The following PRICKLE1 variants were observed in gnomAD, a reference collection of about 807,000 sequenced individuals.
PRICKLE1 encodes prickle-like protein 1.
PRICKLE1 carries 14 observed loss-of-function variants against 70.2 expected under a neutral mutation model. That is an observed-to-expected ratio of 0.20 (90% CI 0.13 to 0.31). The LOEUF (loss-of-function observed/expected upper bound fraction) is 0.31. PRICKLE1 is among the 10% of genes least tolerant of loss of function. The pLI, the probability that PRICKLE1 is intolerant of heterozygous loss-of-function variation, is 1.00. For missense variants in PRICKLE1, 821 were observed against 1,026.2 expected, an observed-to-expected ratio of 0.80 and a Z score of 2.73; for synonymous variants, 357 against 379.9, an observed-to-expected ratio of 0.94 and a Z score of 0.70.
At chr12:42,468,496 G>C (rs1173193746) in intron 5 of PRICKLE1, 130 bp downstream of exon 5, 1 of 860,944 alleles carries the variant, frequency 1.2e-6, no homozygotes, top group East Asian at 2.6e-5. Context: ...TGAATGTACA[G>C]GATTATGTTT....
chr12:42,477,482 GTATATATATA>G (rs139988285), intron 1 of PRICKLE1, among the ~76,000 whole-genome samples: 4,906 of 112,734 alleles, frequency 0.044, 161 homozygotes, highest in East Asian at 0.11. Flanking sequence ...GTGTGTGTGT[GTATATATATA>G]TATATATATA....
At chr12:42,478,788 G>A (rs981792008) in intron 1 of PRICKLE1, among the ~76,000 whole-genome samples, 1 of 151,576 alleles carries the variant, frequency 6.6e-6, no homozygotes, top group African/African-American at 2.4e-5. Context: ...ATAGAAAATG[G>A]AACAGTTCCA....
chr12:42,568,009 C>T (rs553281066), intron 1 of PRICKLE1, among the ~76,000 whole-genome samples: 118 of 152,138 alleles, frequency 7.8e-4, no homozygotes, highest in Non-Finnish European at 1.3e-3. Context: ...CATAAATGTT[C>T]ATTGTGAATG....
intron 1 of PRICKLE1, among the ~76,000 whole-genome samples, chr12:42,535,718 AG>A (rs369447106): frequency 1.0e-3 from 155 of 152,320 alleles, no homozygotes; most frequent in African/African-American, 3.5e-3. Flanking sequence ...CAATAGTTTG[AG>A]GCTGCAGTAA....
chr12:42,496,411 T>C (rs1274791919), intron 1 of PRICKLE1, among the ~76,000 whole-genome samples: 2 of 152,138 alleles, frequency 1.3e-5, no homozygotes, highest in South Asian at 2.1e-4. Context: ...TTAAGGGCCC[T>C]AGAATTTTTT....
chr12:42,510,060 G>A (rs558698496), intron 1 of PRICKLE1, among the ~76,000 whole-genome samples: 427 of 147,286 alleles, frequency 2.9e-3, no homozygotes, highest in Non-Finnish European at 4.8e-3. Context: ...GTGACAGAGC[G>A]AGACTCTGTC....
At chr12:42,491,952 TTTTTTGTA>T (rs1323722893) in intron 1 of PRICKLE1, among the ~76,000 whole-genome samples, 1 of 151,802 alleles carries the variant, frequency 6.6e-6, no homozygotes, top group Non-Finnish European at 1.5e-5. Flanking sequence ...CCCGGCTAAT[TTTTTTGTA>T]TTTTTAGTAG....
rs1938261651 is a variant in PRICKLE1 at position 42,470,230 on chromosome 12, CTT to C, written c.246+14_246+15del. On this transcript the variant is annotated intron_variant, in intron 3 of 7. Coordinates refer to ENST00000345127, the MANE Select transcript of PRICKLE1 (RefSeq NM_153026.3). Reference sequence around the variant, plus strand: ...TTTCTTCTTTTTTCTAATTAGCCTTCTTCCTGCTATTTTACCTCATTATCATG... The same window carrying C: ...TTTCTTCTTTTTTCTAATTAGCCTTCCCTGCTATTTTACCTCATTATCATG... The C allele has an allele frequency of 6.5e-7, 1 of 1,545,706 alleles. No individual in the cohort carries two copies. The highest frequency in any genetic ancestry group is 8.9e-7 in the Non-Finnish European group (1 of 1,117,836).
At chr12:42,586,743 T>C (rs1940992576) in intron 1 of PRICKLE1, among the ~76,000 whole-genome samples, 2 of 152,220 alleles carry the variant, frequency 1.3e-5, no homozygotes, top group Admixed American at 6.5e-5. Flanking sequence ...AGACAATCAC[T>C]CATAATACTT....
rs1937793452 is a variant in PRICKLE1, at chr12:42,460,652, A to G, written c.1653T>C (p.Asp551=). 1 of 1,609,570 alleles carries G rather than the reference A, an allele frequency of 6.2e-7. No homozygotes were observed. Among genetic ancestry groups the G allele is most frequent in the Non-Finnish European group, 8.5e-7 (1 of 1,179,996 alleles). Residue 551 remains aspartate, a synonymous_variant, in exon 8 of 8, where the codon GAT becomes GAC. Transcript: ENST00000345127. The part of the protein sequence containing the change: ...ALSNITGASV[D]GENKPRPSLY... The stretch of plus-strand genomic sequence containing the variant: ...ATGATGGCCTTGGCTTGTTTTCTCC[A>G]TCCACCGAAGCCCCTAGAAGAGAGG...
At chr12:42,557,993 T>C (rs1940441121) in intron 1 of PRICKLE1, among the ~76,000 whole-genome samples, 2 of 152,212 alleles carry the variant, frequency 1.3e-5, no homozygotes, top group African/African-American at 4.8e-5. Context: ...ACGTGCTTAG[T>C]AATTGGCACA....
At chr12:42,463,164 G>A (rs1409655889) in intron 7 of PRICKLE1, among the ~76,000 whole-genome samples, 2 of 151,680 alleles carry the variant, frequency 1.3e-5, no homozygotes, top group Admixed American at 6.6e-5. Flanking sequence ...GGTGGCAGGC[G>A]CCTATAATCC....
chr12:42,560,822 C>CA (rs1236610275), intron 1 of PRICKLE1, among the ~76,000 whole-genome samples: 1 of 141,734 alleles, frequency 7.1e-6, no homozygotes, highest in African/African-American at 2.6e-5. Flanking sequence ...ACACACAAAA[C>CA]AAAAAACACA....
intron 1 of PRICKLE1, among the ~76,000 whole-genome samples, chr12:42,516,911 A>G (rs777763448): frequency 3.3e-5 from 5 of 152,150 alleles, no homozygotes; most frequent in Non-Finnish European, 7.3e-5. Flanking sequence ...ACCTGGCTGA[A>G]TGATGTGGCA....
In PRICKLE1 at chr12:42,459,362, G is replaced by C. The variant is rs1402057293; in HGVS notation, c.*447C>G. ...CCTCACAATAAGATGCACAGTGTTA[G>C]CTAGGTCATCGTGACAGGCATGCCT... is the stretch of plus-strand genomic sequence containing the variant. On this transcript the variant is annotated 3_prime_UTR_variant, in exon 8 of 8. Coordinates refer to ENST00000345127, the MANE Select transcript of PRICKLE1 (RefSeq NM_153026.3). 2.8e-6 allele frequency: 2 copies of C among 702,228 alleles called. No individual in the cohort carries two copies. Among genetic ancestry groups the C allele is most frequent in the Non-Finnish European group, 5.2e-6 (2 of 384,972 alleles). 43.5% of individuals were successfully genotyped at this position (702,228 alleles called of 1,614,324 possible). A position where few individuals can be genotyped will look rare whatever the true frequency, so the allele number is the denominator to read the frequency against.
chr12:42,568,548 G>A (rs1311289525), intron 1 of PRICKLE1, among the ~76,000 whole-genome samples: 1 of 152,218 alleles, frequency 6.6e-6, no homozygotes, highest in Admixed American at 6.5e-5. Context: ...CATAGGGTAA[G>A]GTGGCAAATA....
intron 6 of PRICKLE1, 32 bp from the exon 7 acceptor site, chr12:42,465,290 T>A (rs1482763106): frequency 2.5e-6 from 4 of 1,612,040 alleles, no homozygotes; most frequent in Non-Finnish European, 3.4e-6. Flanking sequence ...AAATAACAGG[T>A]TATGGTTTAA....
rs1200684630 is a variant in PRICKLE1, at chr12:42,458,081, T to C, written c.*1728A>G. The C allele has an allele frequency of 6.6e-6, 1 of 152,216 alleles. No homozygotes were observed. The highest frequency in any genetic ancestry group is 6.5e-5 in the Admixed American group (1 of 15,278). The allele number at this position is 152,216 out of a possible 1,614,324, so 9.4% of individuals were successfully genotyped here. ...TGTAGCCCAGATACAAACCCTTGTG[T>C]GGGACGGCTGTCCACCTACTACTCG... On this transcript the variant is annotated 3_prime_UTR_variant, in exon 8 of 8. Transcript: ENST00000345127.
intron 1 of PRICKLE1, among the ~76,000 whole-genome samples, chr12:42,583,250 A>G (rs888933766): frequency 5.9e-5 from 9 of 152,070 alleles, no homozygotes; most frequent in African/African-American, 1.9e-4. Flanking sequence ...TAGACTTTCT[A>G]TTTCAACCAT....
Sources: allele counts gnomAD v4.1 joint callset (sites outside exome capture counted in the v4.1 genomes callset), GRCh38; gene constraint gnomAD v4.1.1; transcripts MANE v1.5; gene names NCBI Gene and HGNC (gene_info 2026-07-23, HGNC 2026-07-21).